The following IL17RD variants were observed in gnomAD, a reference collection of about 807,000 sequenced individuals.
IL17RD encodes interleukin-17 receptor D.
A neutral mutation model predicts 80.5 loss-of-function variants in IL17RD; 52 were observed. That is an observed-to-expected ratio of 0.65 (90% CI 0.52 to 0.81). The LOEUF (loss-of-function observed/expected upper bound fraction) is 0.81, where lower values mean the gene tolerates loss of function less well. IL17RD is among the 40% of genes least tolerant of loss of function. IL17RD has a pLI of 0.00. For synonymous variants in IL17RD, 416 were observed against 391.8 expected (o/e 1.06, Z -0.73); for missense variants, 1,024 against 955.1 (o/e 1.07, Z -0.95).
intron 2 of IL17RD, among the ~76,000 whole-genome samples, chr3:57,116,747 A>G (rs555653315): frequency 3.3e-4 from 51 of 152,270 alleles, no homozygotes; most frequent in African/African-American, 1.2e-3. Flanking sequence ...CATCCTCACT[A>G]TACAAATGAG....
chr3:57,098,466 G>T lies in IL17RD; in HGVS notation c.1237C>A (p.His413Asn), dbSNP rs1382535442. The T allele has an allele frequency of 2.5e-6, 4 of 1,613,770 alleles. No homozygotes were observed. In the East Asian group the frequency reaches 8.9e-5, roughly 36 times the overall value. ...ACCACAATGATGAACTGGGACTCGT[G>T]GATCTTCTGGATGACCCATTCTCTC... ...GQREWVIQKI[H>N]ESQFIIVVCS... The change falls in exon 12 of 13, where the codon CAC becomes AAC. Residue 413 changes from histidine (H) to asparagine (N), a missense_variant. Coordinates refer to ENST00000296318, the MANE Select transcript of IL17RD (RefSeq NM_017563.5).
intron 1 of IL17RD, among the ~76,000 whole-genome samples, chr3:57,131,762 T>A (rs749396479): frequency 6.6e-6 from 1 of 152,244 alleles, no homozygotes; most frequent in Non-Finnish European, 1.5e-5. Flanking sequence ...CATGGTATTT[T>A]CAGGAGGCTT....
intron 3 of IL17RD, among the ~76,000 whole-genome samples, chr3:57,113,389 C>T (rs1339822563): frequency 3.3e-5 from 5 of 152,156 alleles, no homozygotes; most frequent in Admixed American, 6.5e-5. Flanking sequence ...AGGCATGCGA[C>T]ACCACACCCA....
Position 57,096,226 on chromosome 3 carries a change from T to G in IL17RD, c.*167A>C. 1 of 598,694 alleles carries G rather than the reference T, an allele frequency of 1.7e-6. No individual in the cohort carries two copies. Among genetic ancestry groups the G allele is most frequent in the Non-Finnish European group, 3.1e-6 (1 of 327,666 alleles). The allele number at this position is 598,694 out of a possible 1,614,324, so 37.1% of individuals were successfully genotyped here. On this transcript the variant is annotated 3_prime_UTR_variant, in exon 13 of 13. Coordinates refer to ENST00000296318, the MANE Select transcript of IL17RD (RefSeq NM_017563.5). ...GAAAATTGGAGAGTTTGTCAAGATA[T>G]CCGGTAAAGGGTTGGGGCAAGGGAG...
upstream of IL17RD, chr3:57,169,262 T>G (rs900404376): frequency 1.9e-6 from 1 of 518,582 alleles, no homozygotes; most frequent in Non-Finnish European, 3.9e-6. Context: ...TGTAGTCCAG[T>G]CACACTTTCA....
At chr3:57,130,046 G>C (rs1194742859) in intron 1 of IL17RD, among the ~76,000 whole-genome samples, 3 of 152,212 alleles carry the variant, frequency 2.0e-5, no homozygotes, top group Non-Finnish European at 4.4e-5. Flanking sequence ...CCACCCTGCA[G>C]GGCTACTGGC....
In IL17RD at chr3:57,110,201, T is replaced by G. The variant is rs1303251134; in HGVS notation, c.421A>C (p.Lys141Gln). 2 of 1,594,816 alleles carry G rather than the reference T, an allele frequency of 1.3e-6. No individual in the cohort carries two copies. Among genetic ancestry groups the G allele is most frequent in the East Asian group, 2.3e-5 (1 of 44,388 alleles). ...KDPKQLNSSF[K>Q]RTGMESQPFL... is the part of the protein sequence containing the mutation. Reference sequence around the variant, plus strand: ...TCCCCAGTGTGACTTACAGTTCTTTTGAAGCTACTGTTGAGCTGCTTCGGA... The same window carrying G: ...TCCCCAGTGTGACTTACAGTTCTTTGGAAGCTACTGTTGAGCTGCTTCGGA... The change falls in exon 4 of 13, where the codon AAA becomes CAA. Residue 141 changes from lysine to glutamine, a missense_variant. Lys to Gln is a moderately conservative substitution (Grantham distance 53). Transcript: ENST00000296318.
intron 1 of IL17RD, among the ~76,000 whole-genome samples, chr3:57,140,382 C>T (rs1304504250): frequency 6.6e-6 from 1 of 152,072 alleles, no homozygotes; most frequent in Non-Finnish European, 1.5e-5. Context: ...GAATAACTGA[C>T]AATTTCCCAG....
At chr3:57,134,745 A>C (rs920374278) in intron 1 of IL17RD, 1 of 578,078 alleles carries the variant, frequency 1.7e-6, no homozygotes, top group East Asian at 3.4e-5. Context: ...TTGTCTGTAC[A>C]TACTGGCCTC....
At chr3:57,127,071 C>T (rs758990159) in intron 1 of IL17RD, among the ~76,000 whole-genome samples, 12 of 150,052 alleles carry the variant, frequency 8.0e-5, no homozygotes, top group South Asian at 2.1e-4. Context: ...GTGATCCACT[C>T]GCCTTGGCCT....
chr3:57,156,783 G>A (rs35424480), intron 1 of IL17RD, among the ~76,000 whole-genome samples: 37 of 151,070 alleles, frequency 2.4e-4, no homozygotes, highest in African/African-American at 8.5e-4. Flanking sequence ...ACCATCCCCC[G>A]ACCAATGAGC....
intron 2 of IL17RD, 42 bp downstream of exon 2, chr3:57,120,214 C>T (rs774698398): frequency 6.8e-7 from 1 of 1,474,252 alleles, no homozygotes; most frequent in South Asian, 1.1e-5. Flanking sequence ...CTCTAGATGA[C>T]TCAAAGGGCT....
chr3:57,119,446 T>C (rs1309120016), intron 2 of IL17RD, among the ~76,000 whole-genome samples: 8 of 151,450 alleles, frequency 5.3e-5, no homozygotes, highest in African/African-American at 1.9e-4. Flanking sequence ...TGAGAATCGC[T>C]TGAACCCAGG....
intron 1 of IL17RD, among the ~76,000 whole-genome samples, chr3:57,132,709 G>A (rs542507276): frequency 2.6e-5 from 4 of 152,160 alleles, no homozygotes; most frequent in Non-Finnish European, 4.4e-5. Flanking sequence ...TCAAGACAGA[G>A]GTATCTAGCA....
At position 57,097,726 on chromosome 3, in the gene IL17RD, C is replaced by G. The variant is rs780805433; in HGVS notation, c.1977G>C (p.Pro659=). ...TVKAGSPSDM[P]RDSGIYDSSV... is the part of the protein sequence containing the mutation. ...ACGAGTCATAGATGCCTGAGTCCCG[C>G]GGCATGTCCGAGGGGCTGCCGGCTT... is the stretch of plus-strand genomic sequence containing the variant. The change falls in exon 12 of 13, where the codon CCG becomes CCC. Residue 659 remains proline, a synonymous_variant. Transcript: ENST00000296318. The G allele has an allele frequency of 1.2e-6, 2 of 1,602,416 alleles. No homozygotes were observed. Among genetic ancestry groups the G allele is most frequent in the Non-Finnish European group, 1.7e-6 (2 of 1,173,590 alleles).
intron 9 of IL17RD, 42 bp from the exon 10 acceptor site, chr3:57,102,631 T>A: frequency 9.3e-7 from 1 of 1,076,086 alleles, no homozygotes; most frequent in Non-Finnish European, 1.4e-6. Flanking sequence ...TTAAGCAGTG[T>A]AAAGGTTCAA....
Position 57,097,940 on chromosome 3 carries a change from A to G in IL17RD, c.1763T>C (p.Leu588Ser), listed in dbSNP as rs768861933. 1.9e-6 allele frequency: 3 copies of G among 1,614,030 alleles called. No homozygotes were observed. In the South Asian group the frequency reaches 3.3e-5, roughly 18 times the overall value. ...CCCTGGTTTGCACATGACATCATTT[A>G]AAACCAAGCCCGAATCAAATTTCTC... ...VLEKFDSGLV[L>S]NDVMCKPGPE... Residue 588 changes from leucine (L) to serine (S), a missense_variant, in exon 12 of 13, where the codon TTA becomes TCA. Physicochemically the swap from Leu to Ser is moderately radical, Grantham distance 145. Coordinates refer to ENST00000296318, the MANE Select transcript of IL17RD (RefSeq NM_017563.5).
At chr3:57,099,541 TCTC>T (rs1384030040) in intron 11 of IL17RD, among the ~76,000 whole-genome samples, 1 of 152,178 alleles carries the variant, frequency 6.6e-6, no homozygotes, top group African/African-American at 2.4e-5. Flanking sequence ...ACGACTTTGT[TCTC>T]CTCTTCTGCT....
At chr3:57,100,733 C>T (rs990887561) in intron 11 of IL17RD, among the ~76,000 whole-genome samples, 3 of 152,196 alleles carry the variant, frequency 2.0e-5, no homozygotes, top group African/African-American at 7.2e-5. Context: ...GTCCTTCATT[C>T]CCCTTCTCAG....
Sources: allele counts gnomAD v4.1 joint callset (sites outside exome capture counted in the v4.1 genomes callset), GRCh38; gene constraint gnomAD v4.1.1; transcripts MANE v1.5; gene names NCBI Gene and HGNC (gene_info 2026-07-23, HGNC 2026-07-21).